Variants in ACCSL observed in about 807,000 individuals in gnomAD.
ACCSL encodes probable inactive 1-aminocyclopropane-1-carboxylate synthase-like protein 2.
A neutral mutation model predicts 61.7 loss-of-function variants in ACCSL; 55 were observed. The ratio of observed to expected loss-of-function variants is 0.89; its 90% CI spans 0.72 to 1.12. The LOEUF (loss-of-function observed/expected upper bound fraction) is 1.12, where lower values mean the gene tolerates loss of function less well. ACCSL is among the 50% of genes most tolerant of loss of function. ACCSL has a pLI of 0.00. For synonymous variants in ACCSL, 258 were observed against 264.3 expected, an observed-to-expected ratio of 0.98 and a Z score of 0.23; for missense variants, 632 against 698.0, an observed-to-expected ratio of 0.91 and a Z score of 1.07.
rs370566395 is a variant in ACCSL, at chr11:44,048,153, C to A, written c.117C>A (p.Ala39=). 6.2e-6 allele frequency: 10 copies of A among 1,614,084 alleles called. No homozygotes were observed. The highest frequency in any genetic ancestry group is 1.6e-4 in the Middle Eastern group (1 of 6,084). The change falls in exon 1 of 14, where the codon GCC becomes GCA. Residue 39 remains alanine, a synonymous_variant. Coordinates refer to ENST00000378832, the MANE Select transcript of ACCSL (RefSeq NM_001031854.2). ...LLEITLHLQQ[A]MTEHFVQLTS... is the part of the protein sequence containing the mutation. ...AGATAACGCTGCACTTGCAGCAGGC[C>A]ATGACGGAGCACTTCGTGCAGCTGA...
the ACCSL span, among the ~76,000 whole-genome samples, chr11:43,922,015 T>A: frequency 2.0e-5 from 3 of 152,206 alleles, no homozygotes; most frequent in Non-Finnish European, 4.4e-5. Flanking sequence ...TTGCTTTGTT[T>A]TGCTGGTGCT....
At chr11:43,992,799 G>A in the ACCSL span, among the ~76,000 whole-genome samples, 9 of 152,208 alleles carry the variant, frequency 5.9e-5, no homozygotes, top group Non-Finnish European at 7.3e-5. Flanking sequence ...AATAGACCAC[G>A]AAATGTATAA....
At chr11:43,934,475 C>T in the ACCSL span, among the ~76,000 whole-genome samples, 4 of 152,284 alleles carry the variant, frequency 2.6e-5, no homozygotes, top group Admixed American at 6.5e-5. Context: ...CACACACACA[C>T]GCGCACACAC....
the ACCSL span, among the ~76,000 whole-genome samples, chr11:43,922,049 T>G: frequency 2.6e-3 from 396 of 152,294 alleles, 3 homozygotes; most frequent in Non-Finnish European, 3.9e-3. Context: ...GAATTAGAGG[T>G]GAAGCTGTTT....
chr11:43,952,680 C>T, the ACCSL span, among the ~76,000 whole-genome samples: 1 of 152,278 alleles, frequency 6.6e-6, no homozygotes, highest in East Asian at 1.9e-4. Context: ...TTAAAAGGGA[C>T]AGGAATTATT....
At chr11:44,038,036 T>A in the ACCSL span, among the ~76,000 whole-genome samples, 21 of 152,178 alleles carry the variant, frequency 1.4e-4, no homozygotes, top group Non-Finnish European at 3.1e-4. Flanking sequence ...GGAGTTTACC[T>A]TCTAGAGAAG....
chr11:43,963,179 G>A, the ACCSL span, among the ~76,000 whole-genome samples: 1 of 152,234 alleles, frequency 6.6e-6, no homozygotes, highest in Non-Finnish European at 1.5e-5. Flanking sequence ...ATGGAGAAGG[G>A]TTGAGTGTGT....
At chr11:44,000,322 G>T in the ACCSL span, among the ~76,000 whole-genome samples, 4 of 151,928 alleles carry the variant, frequency 2.6e-5, no homozygotes, top group African/African-American at 9.7e-5. Flanking sequence ...ACAAGGTTTC[G>T]CCATGTTGGC....
At chr11:43,943,192 C>A in the ACCSL span, 2 of 1,516,442 alleles carry the variant, frequency 1.3e-6, no homozygotes, top group Non-Finnish European at 8.8e-7. This position sits in a 1 kb window ranked among gnomAD's most constrained non-coding sequence, Gnocchi z 4.8. Context: ...GCACGCAGAG[C>A]CTGTCGCTGC....
At chr11:44,018,987 A>C in the ACCSL span, among the ~76,000 whole-genome samples, 1 of 152,226 alleles carries the variant, frequency 6.6e-6, no homozygotes, top group East Asian at 1.9e-4. Flanking sequence ...CTTGGCAACC[A>C]CTAATTCATT....
At chr11:43,952,729 G>T in the ACCSL span, among the ~76,000 whole-genome samples, 1 of 152,188 alleles carries the variant, frequency 6.6e-6, no homozygotes, top group African/African-American at 2.4e-5. Context: ...TCTTGCTGAA[G>T]CTCCCGGCCA....
the ACCSL span, among the ~76,000 whole-genome samples, chr11:43,997,183 C>T: frequency 6.6e-6 from 1 of 151,954 alleles, no homozygotes; most frequent in African/African-American, 2.4e-5. Context: ...GGGGGTTCCC[C>T]AGACCAATTA....
the ACCSL span, among the ~76,000 whole-genome samples, chr11:43,975,903 G>T: frequency 1.3e-5 from 2 of 152,102 alleles, no homozygotes; most frequent in South Asian, 4.2e-4. Flanking sequence ...TACAACATTT[G>T]CCCAGTCTGG....
chr11:44,004,652 G>A, the ACCSL span, among the ~76,000 whole-genome samples: 1 of 152,320 alleles, frequency 6.6e-6, no homozygotes, highest in East Asian at 1.9e-4. Context: ...CCAAGGTCAA[G>A]TAGTGGGTAA....
intron 11 of ACCSL, among the ~76,000 whole-genome samples, chr11:44,057,873 T>G (rs554230162): frequency 6.6e-6 from 1 of 152,060 alleles, no homozygotes; most frequent in East Asian, 1.9e-4. Flanking sequence ...CATACTAGAG[T>G]TAGTCTTAGA....
the ACCSL span, among the ~76,000 whole-genome samples, chr11:43,927,074 A>AT: frequency 1.3e-5 from 2 of 152,178 alleles, no homozygotes; most frequent in African/African-American, 4.8e-5. Context: ...CAGTATATAT[A>AT]TTTTTTCTAC....
chr11:43,936,663 T>G, the ACCSL span, among the ~76,000 whole-genome samples: 1 of 152,186 alleles, frequency 6.6e-6, no homozygotes, highest in East Asian at 1.9e-4. Context: ...TAGGTTAGAA[T>G]CTAGGTCTGT....
chr11:43,949,569 C>T, the ACCSL span, among the ~76,000 whole-genome samples: 1 of 151,834 alleles, frequency 6.6e-6, no homozygotes, highest in Non-Finnish European at 1.5e-5. Context: ...AATCCCAGGA[C>T]TTTGGGAGGC....
At chr11:43,946,327 A>G in the ACCSL span, among the ~76,000 whole-genome samples, 4 of 152,084 alleles carry the variant, frequency 2.6e-5, no homozygotes, top group Admixed American at 2.0e-4. Context: ...TGAACTCCTG[A>G]CCTCAAGTGA....
Sources: gnomAD v4.1 joint callset for allele counts (sites outside exome capture counted in the v4.1 genomes callset) on GRCh38, gnomAD v4.1.1 for gene constraint, Gnocchi (gnomAD v3.1) non-coding constraint, MANE v1.5 for transcripts, NCBI Gene and HGNC (gene_info 2026-07-23, HGNC 2026-07-21) for gene names.